The following ERC1 variants were observed in gnomAD, a reference collection of about 807,000 sequenced individuals.
The protein encoded by ERC1 is ELKS/RAB6-interacting/CAST family member 1.
Under a neutral mutation model 132.0 loss-of-function variants are expected in ERC1, and 56 were observed. That is an observed-to-expected ratio of 0.42 (90% CI 0.34 to 0.53). The LOEUF (loss-of-function observed/expected upper bound fraction) is 0.53, where lower values mean the gene tolerates loss of function less well. Among genes scored for constraint, ERC1 ranks in the 20% least tolerant of loss-of-function variants. The pLI is 0.03. For missense variants in ERC1, 1,202 were observed against 1,349.9 expected, an observed-to-expected ratio of 0.89 and a Z score of 1.72; for synonymous variants, 478 against 476.1, an observed-to-expected ratio of 1.00 and a Z score of -0.05.
At chr12:1,194,622 T>A (rs936549728) in intron 12 of ERC1, among the ~76,000 whole-genome samples, 1 of 152,116 alleles carries the variant, frequency 6.6e-6, no homozygotes, top group Non-Finnish European at 1.5e-5. Flanking sequence ...CTTTTTAATG[T>A]GCTTTGTTAC....
intron 16 of ERC1, among the ~76,000 whole-genome samples, chr12:1,384,880 C>G (rs1476629059): frequency 6.6e-6 from 1 of 152,140 alleles, no homozygotes; most frequent in Non-Finnish European, 1.5e-5. Context: ...TTACAACCTA[C>G]TAATGGTTAA....
At chr12:1,335,563 T>TAG (rs2083241473) in intron 15 of ERC1, among the ~76,000 whole-genome samples, 1 of 152,166 alleles carries the variant, frequency 6.6e-6, no homozygotes. Context: ...CCTTGCATCG[T>TAG]AGAGACAAAG....
chr12:1,342,487 A>C (rs1042702547), intron 15 of ERC1, among the ~76,000 whole-genome samples: 29 of 151,136 alleles, frequency 1.9e-4, no homozygotes, highest in African/African-American at 6.4e-4. Flanking sequence ...AAAAAACAAA[A>C]AAAAGATAAA....
intron 17 of ERC1, chr12:1,430,416 T>G (rs924161700): frequency 1.3e-5 from 2 of 152,114 alleles, no homozygotes; most frequent in Admixed American, 1.3e-4. Flanking sequence ...CTCGCTCTGT[T>G]GCCCAGGCTG....
At chr12:1,060,893 T>A (rs1168740111) in intron 2 of ERC1, among the ~76,000 whole-genome samples, 1 of 91,304 alleles carries the variant, frequency 1.1e-5, no homozygotes, top group Non-Finnish European at 2.7e-5. Context: ...GCCTGGCTAA[T>A]TTTTTTTGCA....
intron 8 of ERC1, among the ~76,000 whole-genome samples, chr12:1,146,878 G>T (rs985862404): frequency 8.6e-5 from 13 of 151,408 alleles, no homozygotes; most frequent in Non-Finnish European, 1.0e-4. Context: ...GCAGTGTTTG[G>T]TTTTTTGTCC....
intron 15 of ERC1, among the ~76,000 whole-genome samples, chr12:1,315,020 G>A (rs2081586517): frequency 6.6e-6 from 1 of 152,028 alleles, no homozygotes; most frequent in South Asian, 2.1e-4. Flanking sequence ...TTGGATTTTA[G>A]TCAGTAAATT....
At chr12:1,435,543 C>T (rs1305913795) in intron 17 of ERC1, among the ~76,000 whole-genome samples, 3 of 152,130 alleles carry the variant, frequency 2.0e-5, no homozygotes, top group Non-Finnish European at 4.4e-5. Flanking sequence ...TCTTGAAGTG[C>T]TCTTTTATGA....
At chr12:1,221,508 A>T (rs374784581) in intron 12 of ERC1, among the ~76,000 whole-genome samples, 1 of 152,226 alleles carries the variant, frequency 6.6e-6, no homozygotes, top group Non-Finnish European at 1.5e-5. Context: ...AAAAGTGTTT[A>T]TGTAAAACTC....
chr12:1,091,928 T>C (rs1943272893), intron 3 of ERC1, among the ~76,000 whole-genome samples: 1 of 151,994 alleles, frequency 6.6e-6, no homozygotes, highest in South Asian at 2.1e-4. Context: ...CTGGCAATGC[T>C]AGGGTATCCA....
intron 2 of ERC1, among the ~76,000 whole-genome samples, chr12:1,040,031 T>C (rs1030947683): frequency 6.6e-6 from 1 of 152,228 alleles, no homozygotes; most frequent in Admixed American, 6.5e-5. Context: ...TAATACTGAT[T>C]TATGATTTTT....
rs1230707903 is a variant in ERC1, at chr12:1,494,077, G to C, written c.*3847G>C. On this transcript the variant is annotated 3_prime_UTR_variant, in exon 19 of 19. Coordinates refer to ENST00000360905, the MANE Select transcript of ERC1 (RefSeq NM_178040.4). Reference sequence around the variant, plus strand: ...TGTCAAGACCCTCAGAGTCTTTGAGGAAAGAGCCAAGCAGAGAAGACCGCT... The same window carrying C: ...TGTCAAGACCCTCAGAGTCTTTGAGCAAAGAGCCAAGCAGAGAAGACCGCT... 1 of 232,250 alleles carries C rather than the reference G, an allele frequency of 4.3e-6. No homozygotes were observed. Among genetic ancestry groups the C allele is most frequent in the South Asian group, 1.8e-4 (1 of 5,510 alleles). 14.4% of individuals were successfully genotyped at this position (232,250 alleles called of 1,614,324 possible).
At chr12:1,444,834 A>G (rs945308195) in intron 18 of ERC1, 84 bp downstream of exon 18, 1 of 1,289,554 alleles carries the variant, frequency 7.8e-7, no homozygotes, top group African/African-American at 1.7e-5. Flanking sequence ...TACCTTGGGG[A>G]ATCCAGTTGC....
At chr12:1,105,737 T>A (rs1218348855) in intron 4 of ERC1, among the ~76,000 whole-genome samples, 1 of 152,210 alleles carries the variant, frequency 6.6e-6, no homozygotes, top group Non-Finnish European at 1.5e-5. Context: ...ATTTTATTTC[T>A]TATTTTTCAT....
intron 12 of ERC1, among the ~76,000 whole-genome samples, chr12:1,216,585 C>T (rs1958427882): frequency 9.9e-6 from 1 of 100,786 alleles, no homozygotes; most frequent in Non-Finnish European, 1.8e-5. Context: ...TCATCATTGA[C>T]ATAGCCTTGG....
In ERC1 at chr12:1,218,819, C is replaced by CATATATATAT. The variant is rs369422257; in HGVS notation, c.2352-17944_2352-17935dup. Among the ~76,000 whole-genome samples the CATATATATAT allele has an allele frequency of 1.7e-4, 25 of 148,572 alleles. 1 individual carries two copies. Among genetic ancestry groups the CATATATATAT allele is most frequent in the East Asian group, 7.9e-4 (4 of 5,072 alleles). On this transcript the variant is annotated intron_variant, in intron 12 of 18. Coordinates refer to ENST00000360905, the MANE Select transcript of ERC1 (RefSeq NM_178040.4). ...AAGGCTCCACTCTCAGTCCTATTCT[C>CATATATATAT]ATATATATATATATACACACACACA...
intron 7 of ERC1, among the ~76,000 whole-genome samples, chr12:1,126,756 G>C (rs562494056): frequency 5.1e-4 from 77 of 152,174 alleles, no homozygotes; most frequent in African/African-American, 1.6e-3. Flanking sequence ...TTGGGAGGCT[G>C]AAGCGGGCGG....
At chr12:1,094,927 A>T (rs1329194211) in intron 3 of ERC1, among the ~76,000 whole-genome samples, 1 of 152,158 alleles carries the variant, frequency 6.6e-6, no homozygotes, top group Non-Finnish European at 1.5e-5. Flanking sequence ...AGTATGATAA[A>T]TTCAGAAATT....
intron 1 of ERC1, among the ~76,000 whole-genome samples, chr12:1,016,796 G>A (rs189299036): frequency 2.3e-4 from 34 of 148,914 alleles, no homozygotes; most frequent in East Asian, 1.0e-3. Flanking sequence ...GTTTACAGGC[G>A]TGTACCACCA....
Sources: gnomAD v4.1 joint callset for allele counts (sites outside exome capture counted in the v4.1 genomes callset) on GRCh38, gnomAD v4.1.1 for gene constraint, MANE v1.5 for transcripts, NCBI Gene and HGNC (gene_info 2026-07-23, HGNC 2026-07-21) for gene names.